Variants in SNTG1 observed in about 807,000 individuals in gnomAD.
SNTG1 encodes gamma-1-syntrophin.
SNTG1 carries 39 observed loss-of-function variants against 74.7 expected under a neutral mutation model. The observed-to-expected ratio is 0.52, with a 90% CI of 0.40 to 0.68. The LOEUF (loss-of-function observed/expected upper bound fraction) is 0.68. Among genes scored for constraint, SNTG1 ranks in the 30% least tolerant of loss-of-function variants. The pLI is 0.00. For missense variants in SNTG1, 685 were observed against 609.5 expected, an observed-to-expected ratio of 1.12 and a Z score of -1.30; for synonymous variants, 254 against 217.1, an observed-to-expected ratio of 1.17 and a Z score of -1.49.
intron 12 of SNTG1, among the ~76,000 whole-genome samples, chr8:50,572,131 T>C (rs373771612): frequency 4.3e-4 from 65 of 152,258 alleles, no homozygotes; most frequent in East Asian, 4.2e-3. Context: ...ACGGTGACTG[T>C]GCTAGGTAGG....
intron 18 of SNTG1, among the ~76,000 whole-genome samples, chr8:50,758,249 G>T (rs1468540766): frequency 6.6e-6 from 1 of 151,756 alleles, no homozygotes; most frequent in Non-Finnish European, 1.5e-5. Flanking sequence ...ATCTGCACCT[G>T]GTCATGCTTG....
intron 1 of SNTG1, among the ~76,000 whole-genome samples, chr8:50,095,296 C>G (rs1345357621): frequency 6.6e-6 from 1 of 152,018 alleles, no homozygotes; most frequent in East Asian, 1.9e-4. Context: ...CACATACCCC[C>G]AAACCTACAA....
chr8:50,716,674 CT>C (rs1314700060), intron 17 of SNTG1, among the ~76,000 whole-genome samples: 1 of 151,648 alleles, frequency 6.6e-6, no homozygotes, highest in Non-Finnish European at 1.5e-5. Context: ...AAAAACCCAA[CT>C]TTTCATGCAA....
At chr8:50,367,543 T>G (rs2092148980) in intron 2 of SNTG1, among the ~76,000 whole-genome samples, 1 of 152,172 alleles carries the variant, frequency 6.6e-6, no homozygotes, top group Non-Finnish European at 1.5e-5. Context: ...TTACTATTTT[T>G]GATAATGACT....
chr8:50,552,674 A>T (rs765864193), intron 11 of SNTG1, among the ~76,000 whole-genome samples: 2 of 152,196 alleles, frequency 1.3e-5, no homozygotes, highest in African/African-American at 4.8e-5. Context: ...TGCATTGACA[A>T]ATGTTAAGAG....
intron 13 of SNTG1, among the ~76,000 whole-genome samples, chr8:50,612,380 G>A (rs2094856842): frequency 6.6e-6 from 1 of 152,128 alleles, no homozygotes; most frequent in African/African-American, 2.4e-5. Flanking sequence ...GTACTCACTT[G>A]TGTTACTAAA....
intron 2 of SNTG1, among the ~76,000 whole-genome samples, chr8:50,393,453 T>C (rs2092688373): frequency 6.6e-6 from 1 of 152,204 alleles, no homozygotes; most frequent in Non-Finnish European, 1.5e-5. Context: ...CATTTACTTA[T>C]CCATTATATT....
At chr8:50,272,046 T>A (rs1270576064) in intron 2 of SNTG1, among the ~76,000 whole-genome samples, 1 of 152,168 alleles carries the variant, frequency 6.6e-6, no homozygotes, top group Non-Finnish European at 1.5e-5. Flanking sequence ...ATATCGAATC[T>A]GCCTGTATTT....
intron 18 of SNTG1, among the ~76,000 whole-genome samples, chr8:50,779,554 G>T (rs1410479339): frequency 2.6e-5 from 4 of 152,116 alleles, no homozygotes; most frequent in South Asian, 2.1e-4. Context: ...CATTGATTTT[G>T]TATCCTGAGA....
chr8:49,995,012 G>GA (rs1466527289), intron 1 of SNTG1, among the ~76,000 whole-genome samples: 2 of 57,698 alleles, frequency 3.5e-5, no homozygotes, highest in East Asian at 1.3e-3. Flanking sequence ...TAAGAATGTT[G>GA]AGTCCAATGG....
At chr8:50,462,985 T>C (rs538311981) in intron 8 of SNTG1, among the ~76,000 whole-genome samples, 1 of 151,974 alleles carries the variant, frequency 6.6e-6, no homozygotes, top group Admixed American at 6.6e-5. Flanking sequence ...CCCAGCTAAT[T>C]TTTGTATTTT....
At chr8:50,146,825 G>C (rs2081887618) in intron 1 of SNTG1, among the ~76,000 whole-genome samples, 1 of 151,770 alleles carries the variant, frequency 6.6e-6, no homozygotes, top group Non-Finnish European at 1.5e-5. Flanking sequence ...GTCTTCTATG[G>C]TTAAGTGTCT....
intron 1 of SNTG1, among the ~76,000 whole-genome samples, chr8:50,096,375 G>C (rs950639534): frequency 6.6e-6 from 1 of 152,140 alleles, no homozygotes; most frequent in African/African-American, 2.4e-5. Context: ...TGGAGCTTCT[G>C]CAAAACATAA....
intron 1 of SNTG1, among the ~76,000 whole-genome samples, chr8:50,137,820 T>C (rs2081524089): frequency 6.6e-6 from 1 of 152,080 alleles, no homozygotes; most frequent in Admixed American, 6.6e-5. Flanking sequence ...GAGCTGAGCT[T>C]GGAGGCGACT....
At chr8:49,991,129 G>A (rs1813644674) in intron 1 of SNTG1, among the ~76,000 whole-genome samples, 1 of 152,130 alleles carries the variant, frequency 6.6e-6, no homozygotes, top group Admixed American at 6.5e-5. Flanking sequence ...AATGGACAAA[G>A]AGTCTGAACA....
intron 17 of SNTG1, among the ~76,000 whole-genome samples, chr8:50,746,457 C>T (rs150506940): frequency 2.3e-4 from 35 of 151,880 alleles, no homozygotes; most frequent in African/African-American, 7.2e-4. Context: ...AGAAAAACAT[C>T]GAAAACATTA....
intron 1 of SNTG1, among the ~76,000 whole-genome samples, chr8:50,107,434 C>T (rs1227554122): frequency 1.3e-5 from 2 of 152,052 alleles, no homozygotes; most frequent in Admixed American, 1.3e-4. Flanking sequence ...TTAAATACTT[C>T]TTTAATTATG....
chr8:50,177,612 C>T (rs1055258418), intron 2 of SNTG1, among the ~76,000 whole-genome samples: 6 of 152,146 alleles, frequency 3.9e-5, no homozygotes, highest in African/African-American at 9.7e-5. Context: ...AAGAGGCAAA[C>T]GTTGACAAGT....
intron 2 of SNTG1, among the ~76,000 whole-genome samples, chr8:50,390,613 A>T (rs1361107369): frequency 2.0e-5 from 3 of 152,300 alleles, no homozygotes; most frequent in African/African-American, 7.2e-5. Context: ...GAAGAAATTC[A>T]TTGGTAGCTT....
Sources: allele counts gnomAD v4.1 joint callset (sites outside exome capture counted in the v4.1 genomes callset), GRCh38; gene constraint gnomAD v4.1.1; transcripts MANE v1.5; gene names NCBI Gene and HGNC (gene_info 2026-07-23, HGNC 2026-07-21).